The following ADORA2B variants were observed in gnomAD, a reference collection of about 807,000 sequenced individuals.
ADORA2B encodes the protein adenosine A2b receptor.
In ADORA2B, 18 loss-of-function variants were observed where a neutral mutation model predicts 20.8. The observed-to-expected ratio is 0.87, with a 90% CI of 0.60 to 1.29. ADORA2B has a LOEUF of 1.29. ADORA2B is among the 50% of genes most tolerant of loss of function. ADORA2B has a pLI of 0.00. For synonymous variants in ADORA2B, 179 were observed against 178.3 expected (o/e 1.00, Z -0.03); for missense variants, 441 against 422.7 (o/e 1.04, Z -0.38).
At chr17:15,891,471 A>G in the ADORA2B span, among the ~76,000 whole-genome samples, 1 of 152,076 alleles carries the variant, frequency 6.6e-6, no homozygotes, top group African/African-American at 2.4e-5. Context: ...CTGGGCTCTT[A>G]TTGCACATGC....
upstream of ADORA2B, among the ~76,000 whole-genome samples, chr17:15,942,263 G>C (rs879696632): frequency 1.3e-5 from 2 of 152,016 alleles, no homozygotes; most frequent in Non-Finnish European, 2.9e-5. Flanking sequence ...TCATGATAGT[G>C]AGTGAGTTCT....
intron 1 of ADORA2B, among the ~76,000 whole-genome samples, chr17:15,946,273 G>T (rs1193876739): frequency 6.6e-6 from 1 of 152,208 alleles, no homozygotes; most frequent in African/African-American, 2.4e-5. Context: ...CAGCCTCACT[G>T]CCCTTGTGTA....
the ADORA2B span, among the ~76,000 whole-genome samples, chr17:15,874,790 A>G: frequency 6.6e-6 from 1 of 152,080 alleles, no homozygotes; most frequent in Non-Finnish European, 1.5e-5. Context: ...TTGTAAAATA[A>G]GTTCCTAGAA....
the ADORA2B span, among the ~76,000 whole-genome samples, chr17:15,931,044 C>T: frequency 6.6e-6 from 1 of 152,172 alleles, no homozygotes. Context: ...TGGCCAGGCA[C>T]TGTGGCTCAT....
chr17:15,965,325 CA>C (rs1970102361), intron 1 of ADORA2B, among the ~76,000 whole-genome samples: 1 of 152,318 alleles, frequency 6.6e-6, no homozygotes, highest in African/African-American at 2.4e-5. Context: ...GGCTTTCTCT[CA>C]CCATTTGCTT....
At position 15,974,949 on chromosome 17, in the gene ADORA2B, C is replaced by A; in HGVS notation, c.606C>A (p.Tyr202Ter). The A allele has an allele frequency of 4.3e-6, 7 of 1,614,166 alleles. No individual in the cohort carries two copies. Among genetic ancestry groups the A allele is most frequent in the Non-Finnish European group, 5.9e-6 (7 of 1,180,042 alleles). The change falls in exon 2 of 2, where the codon TAC (tyrosine) becomes TAA (stop). Residue 202 changes from tyrosine (Y) to a stop codon, truncating the protein, a stop_gained. Coordinates refer to ENST00000304222, the MANE Select transcript of ADORA2B (RefSeq NM_000676.4). LOFTEE classifies it high-confidence loss of function. ...LPPLLIMLVI[Y>*]IKIFLVACRQ... ...CACTGCTTATAATGCTGGTGATCTA[C>A]ATTAAGATCTTCCTGGTGGCCTGCA... is the stretch of plus-strand genomic sequence containing the variant.
At chr17:15,956,599 T>C (rs1428037387) in intron 1 of ADORA2B, among the ~76,000 whole-genome samples, 38 of 145,838 alleles carry the variant, frequency 2.6e-4, no homozygotes, top group Admixed American at 2.1e-3. Flanking sequence ...TCTTTTTTTT[T>C]TTTTTTTTTT....
chr17:15,894,571 A>G, the ADORA2B span, among the ~76,000 whole-genome samples: 1 of 152,358 alleles, frequency 6.6e-6, no homozygotes, highest in Non-Finnish European at 1.5e-5. Context: ...TCCATGGCTC[A>G]GGTTTGGCCT....
At chr17:15,919,144 G>A in the ADORA2B span, among the ~76,000 whole-genome samples, 213 of 152,318 alleles carry the variant, frequency 1.4e-3, no homozygotes, top group African/African-American at 5.0e-3. Flanking sequence ...GCCACCTCTT[G>A]GGGAAGGAAA....
rs775588200 is a variant in ADORA2B, at chr17:15,974,723, C to G, written c.380C>G (p.Ala127Gly). The G allele has an allele frequency of 6.2e-7, 1 of 1,614,140 alleles. No homozygotes were observed. The highest frequency in any genetic ancestry group is 8.5e-7 in the Non-Finnish European group (1 of 1,180,030). The change falls in exon 2 of 2, where the codon GCT becomes GGT. Residue 127 changes from alanine (A) to glycine (G), a missense_variant. Ala to Gly is a moderately conservative substitution (Grantham distance 60). Transcript: ENST00000304222. Reference sequence around the variant, plus strand: ...GGGACCCGAGCAAGAGGGGTCATTGCTGTCCTCTGGGTCCTTGCCTTTGGC... The same window carrying G: ...GGGACCCGAGCAAGAGGGGTCATTGGTGTCCTCTGGGTCCTTGCCTTTGGC... Reference protein sequence around the residue: ...VTGTRARGVIAVLWVLAFGIG... With the variant: ...VTGTRARGVIGVLWVLAFGIG...
At chr17:15,968,518 G>A (rs552892353) in intron 1 of ADORA2B, among the ~76,000 whole-genome samples, 24 of 152,318 alleles carry the variant, frequency 1.6e-4, no homozygotes, top group African/African-American at 5.8e-4. Flanking sequence ...TGCCTCCCAG[G>A]AGGGTGGCAG....
chr17:15,912,214 CAAAA>C, the ADORA2B span, among the ~76,000 whole-genome samples: 3 of 75,930 alleles, frequency 4.0e-5, no homozygotes, highest in South Asian at 4.9e-4. Flanking sequence ...GACTCTGTCT[CAAAA>C]AAAAAAAAAA....
chr17:15,887,986 A>AAAAAAAAAAC, the ADORA2B span, among the ~76,000 whole-genome samples: 1 of 100,300 alleles, frequency 1.0e-5, no homozygotes, highest in Admixed American at 1.1e-4. Flanking sequence ...AAAAAAAAAA[A>AAAAAAAAAAC]AAAGATAAGC....
At chr17:15,916,951 A>T in the ADORA2B span, among the ~76,000 whole-genome samples, 1 of 152,132 alleles carries the variant, frequency 6.6e-6, no homozygotes, top group Non-Finnish European at 1.5e-5. Context: ...CAAAGCCTGC[A>T]CTCCTAGCCA....
the ADORA2B span, among the ~76,000 whole-genome samples, chr17:15,880,682 C>T: frequency 3.5e-4 from 54 of 152,194 alleles, 1 homozygote; most frequent in African/African-American, 1.3e-3. Context: ...GTGGCCCGCT[C>T]AGGGATCCAC....
chr17:15,950,972 C>T (rs1396489126), intron 1 of ADORA2B, among the ~76,000 whole-genome samples: 2 of 152,240 alleles, frequency 1.3e-5, no homozygotes, highest in Non-Finnish European at 2.9e-5. Context: ...TGGGCAGGGG[C>T]CTTACACCCC....
At chr17:15,856,830 G>T in the ADORA2B span, among the ~76,000 whole-genome samples, 1 of 152,202 alleles carries the variant, frequency 6.6e-6, no homozygotes, top group Non-Finnish European at 1.5e-5. Context: ...GAGCATAAAA[G>T]TTTGGAATAT....
At chr17:15,874,298 T>C in the ADORA2B span, among the ~76,000 whole-genome samples, 2 of 151,916 alleles carry the variant, frequency 1.3e-5, no homozygotes, top group Non-Finnish European at 2.9e-5. Context: ...CAGAGTGGTA[T>C]GGTAGACTTT....
intron 1 of ADORA2B, among the ~76,000 whole-genome samples, chr17:15,947,031 A>C (rs943616838): frequency 2.6e-5 from 4 of 152,136 alleles, no homozygotes; most frequent in African/African-American, 9.7e-5. Context: ...CAGGAACAGG[A>C]GCCTCCTGCT....
Sources: gnomAD v4.1 joint callset for allele counts (sites outside exome capture counted in the v4.1 genomes callset) on GRCh38, gnomAD v4.1.1 for gene constraint, MANE v1.5 for transcripts, NCBI Gene and HGNC (gene_info 2026-07-23, HGNC 2026-07-21) for gene names.